The following SGSM1 variants were observed in gnomAD, a reference collection of about 807,000 sequenced individuals.
The protein encoded by SGSM1 is small G protein signaling modulator 1, also known as RUN and TBC1 domain containing 2.
Under a neutral mutation model 133.8 loss-of-function variants are expected in SGSM1, and 73 were observed. That is an observed-to-expected ratio of 0.55 (90% CI 0.45 to 0.66). The LOEUF (loss-of-function observed/expected upper bound fraction) is 0.66. Ranked by LOEUF, SGSM1 falls within the 30% of genes least tolerant of loss-of-function variation. SGSM1 has a pLI of 0.00. For missense variants in SGSM1, 1,213 were observed against 1,448.1 expected, an observed-to-expected ratio of 0.84 and a Z score of 2.64; for synonymous variants, 563 against 573.0, an observed-to-expected ratio of 0.98 and a Z score of 0.25.
intron 21 of SGSM1, among the ~76,000 whole-genome samples, chr22:24,911,825 C>T (rs1008771716): frequency 7.2e-5 from 11 of 152,148 alleles, no homozygotes; most frequent in African/African-American, 2.7e-4. Flanking sequence ...GAGGCTGAGG[C>T]AGGCAGGTCA....
chr22:24,927,293 A>G lies in SGSM1; in HGVS notation c.*3019A>G, dbSNP rs1189439790. ...AGCAGGCTAGCTTAGGCTTGTTTACATGGCTATGATAGCAGATCCCAGAAG... is the reference window on the plus strand; with the variant it reads ...AGCAGGCTAGCTTAGGCTTGTTTACGTGGCTATGATAGCAGATCCCAGAAG... On this transcript the variant is annotated 3_prime_UTR_variant, in exon 25 of 25. Transcript: ENST00000400358. 2 of 152,218 alleles carry G rather than the reference A, an allele frequency of 1.3e-5. No individual in the cohort carries two copies. The highest frequency in any genetic ancestry group is 2.9e-5 in the Non-Finnish European group (2 of 68,052). The allele number at this position is 152,218 out of a possible 1,614,324, so 9.4% of individuals were successfully genotyped here. A position where few individuals can be genotyped will look rare whatever the true frequency, so the allele number is the denominator to read the frequency against.
Position 24,850,343 on chromosome 22 carries a change from C to T in SGSM1, c.366C>T (p.Ser122=). 1 of 1,613,838 alleles carries T rather than the reference C, an allele frequency of 6.2e-7. No homozygotes were observed. The highest frequency in any genetic ancestry group is 8.5e-7 in the Non-Finnish European group (1 of 1,179,856). ...VRKLPKLPNL[S]PLAIKHLWIR... is the part of the protein sequence containing the mutation. ...AGCTGCCGAAGCTGCCCAACTTGTC[C>T]CCACTTGCCATCAAGCATCTGTGGA... The change falls in exon 5 of 25, where the codon TCC becomes TCT. Residue 122 remains serine, a synonymous_variant. Coordinates refer to ENST00000400358, the MANE Select transcript of SGSM1 (RefSeq NM_001098497.3).
chr22:24,874,163 C>T (rs781540223), intron 12 of SGSM1, among the ~76,000 whole-genome samples: 26 of 152,176 alleles, frequency 1.7e-4, no homozygotes, highest in Non-Finnish European at 2.9e-4. Context: ...CTCACAGGGT[C>T]GTGAAGAACA....
At chr22:24,848,652 CG>C (rs1413267883) in intron 4 of SGSM1, among the ~76,000 whole-genome samples, 1 of 152,216 alleles carries the variant, frequency 6.6e-6, no homozygotes, top group African/African-American at 2.4e-5. Context: ...GCAACAAATT[CG>C]GTGCTGGTGG....
intron 19 of SGSM1, among the ~76,000 whole-genome samples, chr22:24,899,854 G>C (rs999012338): frequency 6.6e-6 from 1 of 151,960 alleles, no homozygotes; most frequent in South Asian, 2.1e-4. Flanking sequence ...TTGTCCTTCT[G>C]TGCTGAATTC....
chr22:24,828,919 C>T (rs547928789), intron 2 of SGSM1, among the ~76,000 whole-genome samples: 14 of 152,186 alleles, frequency 9.2e-5, no homozygotes, highest in East Asian at 1.9e-4. Flanking sequence ...ATTGGCTGGG[C>T]GCAGTGGCTC....
intron 2 of SGSM1, among the ~76,000 whole-genome samples, chr22:24,838,977 G>C (rs1929637657): frequency 6.7e-6 from 1 of 148,804 alleles, no homozygotes; most frequent in Non-Finnish European, 1.5e-5. Flanking sequence ...CATTAAATCT[G>C]TCGATTACTT....
At chr22:24,887,383 T>C (rs1451178738) in intron 16 of SGSM1, among the ~76,000 whole-genome samples, 1 of 152,190 alleles carries the variant, frequency 6.6e-6, no homozygotes, top group Non-Finnish European at 1.5e-5. Context: ...GGATTGACTT[T>C]TTTTCACTCA....
intron 9 of SGSM1, among the ~76,000 whole-genome samples, chr22:24,860,917 AAAAAAATATATAT>A (rs1197928535): frequency 0.03 from 3,178 of 104,586 alleles, 73 homozygotes; most frequent in East Asian, 0.089. Context: ...AAAAAAAAAA[AAAAAAATATATAT>A]ATATATATAT....
chr22:24,832,596 C>T (rs1929182000), intron 2 of SGSM1, among the ~76,000 whole-genome samples: 1 of 152,058 alleles, frequency 6.6e-6, no homozygotes, highest in Admixed American at 6.5e-5. Flanking sequence ...ACCTAGATGC[C>T]ATCTGTTAGC....
rs1443713869 is a variant in SGSM1, at chr22:24,876,626, G to T, written c.1341G>T (p.Trp447Cys). The T allele has an allele frequency of 6.2e-7, 1 of 1,614,006 alleles. No individual in the cohort carries two copies. Among genetic ancestry groups the T allele is most frequent in the Admixed American group, 1.7e-5 (1 of 60,020 alleles). The stretch of plus-strand genomic sequence containing the variant: ...CTGTAAGCAACCTCCCATCCCTGTG[G>T]CAGCCCAGTCCCCGGAAGTCCTCCT... Reference protein sequence around the residue: ...DVSVSNLPSLWQPSPRKSSCS... With the variant: ...DVSVSNLPSLCQPSPRKSSCS... Residue 447 changes from tryptophan to cysteine, a missense_variant, in exon 13 of 25, where the codon TGG becomes TGT. By Grantham distance (215) the Trp-to-Cys change is radical. Transcript: ENST00000400358.
At chr22:24,877,903 C>T (rs774971335) in intron 13 of SGSM1, among the ~76,000 whole-genome samples, 60 of 150,262 alleles carry the variant, frequency 4.0e-4, no homozygotes, top group Non-Finnish European at 8.1e-4. Context: ...CTCCGCCTCC[C>T]GGGTTTAAGC....
intron 12 of SGSM1, among the ~76,000 whole-genome samples, chr22:24,872,170 A>G (rs76515317): frequency 6.6e-6 from 1 of 152,306 alleles, no homozygotes; most frequent in Non-Finnish European, 1.5e-5. Context: ...TGCCTTAAAT[A>G]TAAAGGATTT....
At chr22:24,849,452 C>T (rs1303968585) in intron 4 of SGSM1, among the ~76,000 whole-genome samples, 1 of 152,136 alleles carries the variant, frequency 6.6e-6, no homozygotes, top group African/African-American at 2.4e-5. Flanking sequence ...ACTTGGGAGG[C>T]TGAGGCAGGA....
chr22:24,886,489 A>T (rs1932607824), intron 15 of SGSM1, 111 bp from the exon 16 acceptor site: 2 of 1,366,308 alleles, frequency 1.5e-6, no homozygotes, highest in Non-Finnish European at 2.0e-6. Context: ...AGATCACTGA[A>T]GGTCAGGAGT....
intron 7 of SGSM1, 30 bp from the exon 8 acceptor site, chr22:24,855,519 A>G (rs1225745805): frequency 1.2e-6 from 2 of 1,613,544 alleles, no homozygotes; most frequent in Admixed American, 1.7e-5. Context: ...CCCAGGCCTC[A>G]TCCCTCTGTC....
intron 24 of SGSM1, among the ~76,000 whole-genome samples, chr22:24,922,291 C>T (rs1326284885): frequency 1.3e-5 from 2 of 150,692 alleles, no homozygotes; most frequent in Non-Finnish European, 1.5e-5. Context: ...CGCCATTCTC[C>T]TGCCTCAGCT....
chr22:24,917,669 A>G lies in SGSM1; in HGVS notation c.2940A>G (p.Ser980=). 2 of 1,613,484 alleles carry G rather than the reference A, an allele frequency of 1.2e-6. No homozygotes were observed. The highest frequency in any genetic ancestry group is 1.7e-6 in the Non-Finnish European group (2 of 1,179,660). ...NMRSLIQILD[S]ELFELMHQNG... is the part of the protein sequence containing the mutation. ...TCCTTCCTTGACAGATCCTGGACTC[A>G]GAGCTGTTTGAGCTGATGCATCAGA... The change falls in exon 23 of 25, where the codon TCA becomes TCG. Residue 980 remains serine (S), a synonymous_variant. Coordinates refer to ENST00000400358, the MANE Select transcript of SGSM1 (RefSeq NM_001098497.3).
At chr22:24,816,277 C>T (rs925067207) in intron 2 of SGSM1, among the ~76,000 whole-genome samples, 3 of 152,152 alleles carry the variant, frequency 2.0e-5, no homozygotes, top group Non-Finnish European at 4.4e-5. Flanking sequence ...AGCTGAGAAA[C>T]AGCAGAGCAG....
Sources: allele counts gnomAD v4.1 joint callset (sites outside exome capture counted in the v4.1 genomes callset), GRCh38; gene constraint gnomAD v4.1.1; transcripts MANE v1.5; gene names NCBI Gene and HGNC (gene_info 2026-07-23, HGNC 2026-07-21).